The following ARHGAP26 variants were observed in gnomAD, a reference collection of about 807,000 sequenced individuals.
The protein encoded by ARHGAP26 is rho GTPase-activating protein 26.
Under a neutral mutation model 104.8 loss-of-function variants are expected in ARHGAP26, and 38 were observed. That is an observed-to-expected ratio of 0.36 (90% CI 0.28 to 0.48). The LOEUF is 0.48. ARHGAP26 is among the 20% of genes least tolerant of loss of function. The pLI, the probability that ARHGAP26 is intolerant of heterozygous loss-of-function variation, is 0.99. For missense variants in ARHGAP26, 704 were observed against 947.9 expected (o/e 0.74, Z 3.38); for synonymous variants, 341 against 340.0 (o/e 1.00, Z -0.03).
At chr5:143,161,436 C>G (rs1365172880) in intron 20 of ARHGAP26, among the ~76,000 whole-genome samples, 1 of 152,114 alleles carries the variant, frequency 6.6e-6, no homozygotes, top group Non-Finnish European at 1.5e-5. Flanking sequence ...GTAAGTAGTT[C>G]AATTATGTTG....
chr5:142,949,849 C>T (rs1768033550), intron 11 of ARHGAP26, among the ~76,000 whole-genome samples: 2 of 152,212 alleles, frequency 1.3e-5, no homozygotes, highest in African/African-American at 4.8e-5. Flanking sequence ...GGCATATGGA[C>T]TTGCTAAGGA....
chr5:143,103,835 C>T (rs1385707466), intron 17 of ARHGAP26, among the ~76,000 whole-genome samples: 1 of 152,044 alleles, frequency 6.6e-6, no homozygotes, highest in Non-Finnish European at 1.5e-5. Flanking sequence ...GGAGAAATAC[C>T]TAATGTAGAT....
chr5:143,032,164 G>A (rs889693461), intron 12 of ARHGAP26, among the ~76,000 whole-genome samples: 1 of 152,186 alleles, frequency 6.6e-6, no homozygotes, highest in Admixed American at 6.5e-5. Context: ...TAAGAGGATG[G>A]CACATTTCTA....
chr5:142,839,947 G>A (rs1045679173), intron 1 of ARHGAP26, among the ~76,000 whole-genome samples: 10 of 151,984 alleles, frequency 6.6e-5, no homozygotes, highest in African/African-American at 1.2e-4. Flanking sequence ...AGCCTCTGGA[G>A]TTATGCGTAT....
chr5:143,109,146 G>A (rs34655884), intron 17 of ARHGAP26, among the ~76,000 whole-genome samples: 2,862 of 92,070 alleles, frequency 0.031, 45 homozygotes, highest in East Asian at 0.11. Flanking sequence ...CTATTAGCTG[G>A]GTAGCAGGTA....
intron 14 of ARHGAP26, among the ~76,000 whole-genome samples, chr5:143,052,480 GAAA>G (rs935102374): frequency 6.6e-6 from 1 of 150,712 alleles, no homozygotes; most frequent in Non-Finnish European, 1.5e-5. Flanking sequence ...AAAAAAAAAA[GAAA>G]AAAAAATTAT....
intron 17 of ARHGAP26, among the ~76,000 whole-genome samples, chr5:143,092,159 TTTTTTTTTTTG>T (rs1348151130): frequency 2.4e-4 from 29 of 118,400 alleles, no homozygotes; most frequent in Admixed American, 4.7e-4. Flanking sequence ...CATCCCTTTG[TTTTTTTTTTTG>T]TTTTTTTTTT....
intron 14 of ARHGAP26, among the ~76,000 whole-genome samples, chr5:143,051,611 G>A (rs1471893905): frequency 1.3e-5 from 2 of 152,200 alleles, no homozygotes; most frequent in African/African-American, 2.4e-5. Flanking sequence ...TAGCTTGGGA[G>A]GCTGTATTCA....
At chr5:143,207,539 C>A in intron 21 of ARHGAP26, 1 of 1,555,346 alleles carries the variant, frequency 6.4e-7, no homozygotes, top group Non-Finnish European at 8.8e-7. Flanking sequence ...CAACAGGGGG[C>A]TGCCCCTGCT....
In ARHGAP26 at chr5:142,885,390, G is replaced by A; in HGVS notation, c.477G>A (p.Gln159=). 1.2e-6 allele frequency: 2 copies of A among 1,612,760 alleles called. No homozygotes were observed. The highest frequency in any genetic ancestry group is 1.7e-6 in the Non-Finnish European group (2 of 1,179,122). Residue 159 remains glutamine, a synonymous_variant, in exon 5 of 23, where the codon CAG becomes CAA. Transcript: ENST00000645722. Reference sequence around the variant, plus strand: ...TGTCTTCCAAAAAGAAAGAATCTCAGCTTCAGGAGGTAAGAGACTTTATTA... The same window carrying A: ...TGTCTTCCAAAAAGAAAGAATCTCAACTTCAGGAGGTAAGAGACTTTATTA... ...LNLSSKKKES[Q]LQEADSQVDL...
intron 11 of ARHGAP26, among the ~76,000 whole-genome samples, chr5:143,004,223 A>G (rs963845150): frequency 1.3e-5 from 2 of 152,124 alleles, no homozygotes; most frequent in Non-Finnish European, 2.9e-5. Flanking sequence ...TAGGTTTTCA[A>G]CCTTGTCTAC....
At chr5:143,154,744 C>G (rs947041586) in intron 20 of ARHGAP26, among the ~76,000 whole-genome samples, 1 of 152,204 alleles carries the variant, frequency 6.6e-6, no homozygotes, top group East Asian at 1.9e-4. Flanking sequence ...ATTTGGAAAC[C>G]TCTGAATCCC....
intron 11 of ARHGAP26, chr5:142,947,203 T>C (rs1767284358): frequency 6.6e-6 from 1 of 150,528 alleles, no homozygotes; most frequent in African/African-American, 2.4e-5. Context: ...AATTAACCAT[T>C]GCTAGTTAGT....
At chr5:142,798,692 T>C (rs1312071410) in intron 1 of ARHGAP26, among the ~76,000 whole-genome samples, 1 of 152,216 alleles carries the variant, frequency 6.6e-6, no homozygotes, top group African/African-American at 2.4e-5. Context: ...CCAGGACCTA[T>C]CATGCCATCT....
chr5:142,871,293 C>G lies in ARHGAP26; in HGVS notation c.155-2107C>G, dbSNP rs796147656. On this transcript the variant is annotated intron_variant, in intron 1 of 22. Transcript: ENST00000645722. This position sits in a 1 kb window ranked among gnomAD's most constrained non-coding sequence, Gnocchi z 4.1. The stretch of plus-strand genomic sequence containing the variant: ...CTGTGCAGAAGCCTCACAAAGGCCC[C>G]GTTGTGCATGACCAGCCACTCCCTG... Among the ~76,000 whole-genome samples, 1 of 152,172 alleles carries G rather than the reference C, an allele frequency of 6.6e-6. No individual in the cohort carries two copies. The highest frequency in any genetic ancestry group is 1.5e-5 in the Non-Finnish European group (1 of 68,042).
intron 1 of ARHGAP26, among the ~76,000 whole-genome samples, chr5:142,827,864 C>A (rs533167909): frequency 6.6e-6 from 1 of 152,212 alleles, no homozygotes; most frequent in Admixed American, 6.5e-5. Context: ...AAACGTCAGC[C>A]GTTACTAGCT....
intron 1 of ARHGAP26, among the ~76,000 whole-genome samples, chr5:142,842,781 G>A (rs1049080797): frequency 5.3e-5 from 8 of 152,170 alleles, no homozygotes; most frequent in Non-Finnish European, 4.4e-5. Flanking sequence ...GATTATAGGA[G>A]GTAATATATG....
At chr5:143,052,814 A>AT (rs1014923656) in intron 14 of ARHGAP26, among the ~76,000 whole-genome samples, 12 of 151,850 alleles carry the variant, frequency 7.9e-5, no homozygotes, top group South Asian at 2.1e-4. Flanking sequence ...CCTCTGACTT[A>AT]TTTTTTTTCC....
chr5:142,820,277 G>A (rs12517479), intron 1 of ARHGAP26, among the ~76,000 whole-genome samples: 9,260 of 152,142 alleles, frequency 0.061, 429 homozygotes, highest in East Asian at 0.21. Context: ...ATTGTTGTGC[G>A]GTGGTTAAAA....
Sources: gnomAD v4.1 joint callset for allele counts (sites outside exome capture counted in the v4.1 genomes callset) on GRCh38, gnomAD v4.1.1 for gene constraint, Gnocchi (gnomAD v3.1) non-coding constraint, MANE v1.5 for transcripts, NCBI Gene and HGNC (gene_info 2026-07-23, HGNC 2026-07-21) for gene names.